WDR91: variants seen among roughly 807,000 people sequenced by gnomAD.
WDR91 encodes WD repeat-containing protein 91.
Under a neutral mutation model 88.4 loss-of-function variants are expected in WDR91, and 52 were observed. The ratio of observed to expected loss-of-function variants is 0.59; its 90% CI spans 0.47 to 0.74. WDR91 has a LOEUF of 0.74. Ranked by LOEUF, WDR91 falls within the 30% of genes least tolerant of loss-of-function variation. WDR91 has a pLI of 0.00. For synonymous variants in WDR91, 362 were observed against 389.5 expected, an observed-to-expected ratio of 0.93 and a Z score of 0.83; for missense variants, 824 against 954.5, an observed-to-expected ratio of 0.86 and a Z score of 1.80.
chr7:135,192,624 G>A (rs1378035006), intron 11 of WDR91, among the ~76,000 whole-genome samples: 2 of 152,238 alleles, frequency 1.3e-5, no homozygotes, highest in Non-Finnish European at 2.9e-5. Flanking sequence ...GGAACCCACT[G>A]AAAGCAGGAG....
At chr7:135,210,220 C>T (rs769948506) in intron 1 of WDR91, among the ~76,000 whole-genome samples, 2 of 152,110 alleles carry the variant, frequency 1.3e-5, no homozygotes, top group Non-Finnish European at 1.5e-5. Context: ...CGTGGTGGCA[C>T]GCGCCTGTAA....
At chr7:135,186,380 T>TGGA in intron 14 of WDR91, 65 bp from the exon 15 acceptor site, 1 of 1,525,844 alleles carries the variant, frequency 6.6e-7, no homozygotes, top group Non-Finnish European at 8.9e-7. Flanking sequence ...TTGATCCACT[T>TGGA]TCAGTGGCCT....
rs140576013 is a variant in WDR91, at chr7:135,211,415, C to G, written c.88G>C (p.Ala30Pro). Residue 30 changes from alanine to proline, a missense_variant, in exon 1 of 15, where the codon GCC becomes CCC. Physicochemically the swap from Ala to Pro is conservative, Grantham distance 27. Coordinates refer to ENST00000354475, the MANE Select transcript of WDR91 (RefSeq NM_014149.4). ...TTCTCCTTGTCCGCCTTGATCTCGG[C>G]GTCCAGCTGCCGCAGTGTGTGCGTG... is the stretch of plus-strand genomic sequence containing the variant. Reference protein sequence around the residue: ...GFTHTLRQLDAEIKADKEKGF... With the variant: ...GFTHTLRQLDPEIKADKEKGF... 6.2e-7 allele frequency: 1 copy of G among 1,611,928 alleles called. No individual in the cohort carries two copies. Among genetic ancestry groups the G allele is most frequent in the Admixed American group, 1.7e-5 (1 of 59,946 alleles).
In WDR91 at chr7:135,203,128, C is replaced by T. The variant is rs144747102; in HGVS notation, c.891+1140G>A. On this transcript the variant is annotated intron_variant, in intron 6 of 14. Transcript: ENST00000354475. ...ACCCAACCTGAGCACCAATGACAAA[C>T]GAGGAGCCAGAGCTGAAAGTTAAGG... Among the ~76,000 whole-genome samples, 848 of 152,312 alleles carry T rather than the reference C, an allele frequency of 5.6e-3. 4 individuals are homozygous for T. Among genetic ancestry groups the T allele is most frequent in the Non-Finnish European group, 6.0e-3 (408 of 68,020 alleles).
Position 135,205,921 on chromosome 7 carries a change from C to T in WDR91, c.725+7G>A, listed in dbSNP as rs1831755483. 1 of 1,613,084 alleles carries T rather than the reference C, an allele frequency of 6.2e-7. No individual in the cohort carries two copies. The highest frequency in any genetic ancestry group is 8.5e-7 in the Non-Finnish European group (1 of 1,180,030). ...AAGAAAAGGAAAGGGCCGTCACACA[C>T]ACTCACAGTTCCGAGTCCCCCAGGC... On this transcript the variant is annotated splice_region_variant and intron_variant, in intron 5 of 14. Coordinates refer to ENST00000354475, the MANE Select transcript of WDR91 (RefSeq NM_014149.4).
At chr7:135,197,887 ACT>A in intron 7 of WDR91, 104 bp downstream of exon 7, 1 of 1,399,720 alleles carries the variant, frequency 7.1e-7, no homozygotes, top group Non-Finnish European at 9.7e-7. Flanking sequence ...GCAAAAGCAC[ACT>A]CTGCACAGCT....
In WDR91 at chr7:135,186,168, G is replaced by A. The variant is rs745360744; in HGVS notation, c.2227C>T (p.Leu743=). ...MDGKIKLTTL[L]AHKA ...GCAAGTCATCAGGCTTTATGGGCCA[G>A]GAGGGTGGTCAGCTTGATCTTGCCA... Residue 743 remains leucine (L), a synonymous_variant, in exon 15 of 15, where the codon CTG becomes TTG. Transcript: ENST00000354475. 22 of 1,604,816 alleles carry A rather than the reference G, an allele frequency of 1.4e-5. 1 individual carries two copies. The Admixed American group carries it at 3.8e-4, about 28-fold the overall frequency.
At position 135,196,366 on chromosome 7, in the gene WDR91, G is replaced by A. The variant is rs757503498; in HGVS notation, c.1051-29C>T. 6.7e-7 allele frequency: 1 copy of A among 1,487,014 alleles called. No individual in the cohort carries two copies. The highest frequency in any genetic ancestry group is 1.4e-5 in the South Asian group (1 of 73,802). 92.1% of individuals were successfully genotyped at this position (1,487,014 alleles called of 1,614,324 possible). On this transcript the variant is annotated intron_variant, in intron 7 of 14. Transcript: ENST00000354475. The surrounding 1 kb of genome is among the most constrained non-coding windows in gnomAD (Gnocchi z 4.2). ...TCACAAGCAGGGTGGGGACAAGTCAGCCAGGAAAGGGTCCCCCACACCAGG... is the reference window on the plus strand; with the variant it reads ...TCACAAGCAGGGTGGGGACAAGTCAACCAGGAAAGGGTCCCCCACACCAGG...
At chr7:135,205,736 G>A (rs1193952438) in intron 5 of WDR91, among the ~76,000 whole-genome samples, 192 bp downstream of exon 5, 2 of 152,178 alleles carry the variant, frequency 1.3e-5, no homozygotes, top group Non-Finnish European at 2.9e-5. Context: ...CTCTAGCCTG[G>A]GCGACAGAGC....
chr7:135,204,184 C>G lies in WDR91; in HGVS notation c.891+84G>C, dbSNP rs973677774. ...AGTCCTAAAAGGAGGGCAAACAAGT[C>G]TACACTTGACCAGGAGGTCTGGAAG... is the stretch of plus-strand genomic sequence containing the variant. On this transcript the variant is annotated intron_variant, in intron 6 of 14. Coordinates refer to ENST00000354475, the MANE Select transcript of WDR91 (RefSeq NM_014149.4). 7.9e-6 allele frequency: 12 copies of G among 1,526,884 alleles called. No individual in the cohort carries two copies. The African/African-American group carries it at 1.4e-4, about 18-fold the overall frequency. 94.6% of individuals were successfully genotyped at this position (1,526,884 alleles called of 1,614,324 possible).
chr7:135,207,106 T>C lies in WDR91; in HGVS notation c.594+14A>G. The C allele has an allele frequency of 6.3e-7, 1 of 1,597,660 alleles. No homozygotes were observed. Among genetic ancestry groups the C allele is most frequent in the South Asian group, 1.1e-5 (1 of 90,756 alleles). On this transcript the variant is annotated intron_variant, in intron 4 of 14. Coordinates refer to ENST00000354475, the MANE Select transcript of WDR91 (RefSeq NM_014149.4). ...AGAAGTACTTCCTCAGGAGCAAGCCTGTTCAGAACAAACCTTCTGACGCAG... is the reference window on the plus strand; with the variant it reads ...AGAAGTACTTCCTCAGGAGCAAGCCCGTTCAGAACAAACCTTCTGACGCAG...
chr7:135,207,875 T>C (rs1831859549), intron 3 of WDR91, among the ~76,000 whole-genome samples: 1 of 152,170 alleles, frequency 6.6e-6, no homozygotes, highest in Admixed American at 6.5e-5. Context: ...ACTGAAAAGA[T>C]CTTGAGTGAC....
At chr7:135,198,491 C>A in intron 6 of WDR91, 2 of 247,770 alleles carry the variant, frequency 8.1e-6, no homozygotes, top group Non-Finnish European at 1.6e-5. Context: ...AGGCCGGGGC[C>A]TACGCTTGGT....
chr7:135,193,485 G>T (rs2278128), intron 10 of WDR91, 86 bp from the exon 11 acceptor site: 2 of 1,609,558 alleles, frequency 1.2e-6, no homozygotes, highest in African/African-American at 1.3e-5. Flanking sequence ...ATCCTGCACA[G>T]GAGATGGGGC....
At chr7:135,189,311 A>T (rs1472713549) in intron 12 of WDR91, 33 bp downstream of exon 12, 1 of 1,581,218 alleles carries the variant, frequency 6.3e-7, no homozygotes. Flanking sequence ...AAATCTAAGG[A>T]GATCAAGGAT....
chr7:135,188,393 C>A, intron 13 of WDR91, 40 bp downstream of exon 13: 2 of 1,575,426 alleles, frequency 1.3e-6, no homozygotes, highest in South Asian at 2.2e-5. Context: ...GCCCACATGT[C>A]ATCCCGGTGC....
At chr7:135,205,221 T>G (rs1831721789) in intron 5 of WDR91, among the ~76,000 whole-genome samples, 1 of 152,250 alleles carries the variant, frequency 6.6e-6, no homozygotes, top group Non-Finnish European at 1.5e-5. Context: ...AGGTGCATGC[T>G]TCTACTGAGG....
intron 8 of WDR91, 71 bp from the exon 9 acceptor site, chr7:135,195,155 T>C (rs1328236645): frequency 4.6e-6 from 7 of 1,515,678 alleles, no homozygotes; most frequent in Non-Finnish European, 6.3e-6. Flanking sequence ...AATGCCAAGA[T>C]GATCACTTTC....
At position 135,208,691 on chromosome 7, in the gene WDR91, T is replaced by G. The variant is rs544320436; in HGVS notation, c.511+100A>C. 1.5e-4 allele frequency: 177 copies of G among 1,153,122 alleles called. 1 individual carries two copies. The South Asian group carries it at 3.3e-3, about 21-fold the overall frequency. 71.4% of individuals were successfully genotyped at this position (1,153,122 alleles called of 1,614,324 possible). ...ACCCATAAAAATGGTCCCTGGGCAT[T>G]TTTGTAGAAGAAATGCCTGTATGGA... On this transcript the variant is annotated intron_variant, in intron 3 of 14. Coordinates refer to ENST00000354475, the MANE Select transcript of WDR91 (RefSeq NM_014149.4).
Sources: gnomAD v4.1 joint callset for allele counts (sites outside exome capture counted in the v4.1 genomes callset) on GRCh38, gnomAD v4.1.1 for gene constraint, Gnocchi (gnomAD v3.1) non-coding constraint, MANE v1.5 for transcripts, NCBI Gene and HGNC (gene_info 2026-07-23, HGNC 2026-07-21) for gene names.